AKAP6: variants seen among roughly 807,000 people sequenced by gnomAD.
AKAP6 encodes the protein A-kinase anchor protein 6.
In AKAP6, 58 loss-of-function variants were observed where a neutral mutation model predicts 188.5. The observed-to-expected ratio is 0.31, with a 90% CI of 0.25 to 0.38. AKAP6 has a LOEUF of 0.38. AKAP6 is among the 10% of genes least tolerant of loss of function. The pLI, the probability that AKAP6 is intolerant of heterozygous loss-of-function variation, is 1.00. For synonymous variants in AKAP6, 989 were observed against 998.6 expected, an observed-to-expected ratio of 0.99 and a Z score of 0.18; for missense variants, 2,710 against 2,740.0, an observed-to-expected ratio of 0.99 and a Z score of 0.24.
chr14:32,692,528 A>G (rs1890225986), intron 8 of AKAP6, among the ~76,000 whole-genome samples: 1 of 152,180 alleles, frequency 6.6e-6, no homozygotes, highest in South Asian at 2.1e-4. Context: ...AGTAAAAACA[A>G]AATCTCACGT....
At chr14:32,731,018 C>T (rs2031148300) in intron 9 of AKAP6, among the ~76,000 whole-genome samples, 1 of 152,108 alleles carries the variant, frequency 6.6e-6, no homozygotes, top group African/African-American at 2.4e-5. Context: ...TAAAGCAACC[C>T]TTGATTTTCT....
chr14:32,551,857 G>A (rs1374301584), intron 4 of AKAP6, among the ~76,000 whole-genome samples: 3 of 151,486 alleles, frequency 2.0e-5, no homozygotes, highest in Admixed American at 6.6e-5. Flanking sequence ...TAGTAGAGAT[G>A]GGGTTTCACC....
intron 7 of AKAP6, among the ~76,000 whole-genome samples, chr14:32,606,533 A>G (rs1369030900): frequency 6.6e-6 from 1 of 152,206 alleles, no homozygotes; most frequent in East Asian, 1.9e-4. Flanking sequence ...GCATGCAACA[A>G]CAGTTCCTTC....
At chr14:32,650,641 A>G (rs1351531036) in intron 7 of AKAP6, among the ~76,000 whole-genome samples, 2 of 152,200 alleles carry the variant, frequency 1.3e-5, no homozygotes, top group East Asian at 3.9e-4. Flanking sequence ...AATGCTAAAT[A>G]CCATTAATTT....
At chr14:32,671,852 A>G (rs1889211189) in intron 7 of AKAP6, among the ~76,000 whole-genome samples, 1 of 152,222 alleles carries the variant, frequency 6.6e-6, no homozygotes, top group Non-Finnish European at 1.5e-5. Context: ...AACCCAACAA[A>G]GAATTCTGGG....
At chr14:32,771,666 A>C (rs1444393711) in intron 11 of AKAP6, among the ~76,000 whole-genome samples, 1 of 152,208 alleles carries the variant, frequency 6.6e-6, no homozygotes, top group African/African-American at 2.4e-5. Context: ...CTAACTCTGC[A>C]CATACCTTTA....
At chr14:32,721,362 A>G (rs1263854681) in intron 9 of AKAP6, among the ~76,000 whole-genome samples, 1 of 152,216 alleles carries the variant, frequency 6.6e-6, no homozygotes, top group East Asian at 1.9e-4. Context: ...GAAAGTCTGT[A>G]TTGATGAAGG....
chr14:32,584,298 G>A (rs1349611675), intron 5 of AKAP6, among the ~76,000 whole-genome samples: 2 of 152,210 alleles, frequency 1.3e-5, no homozygotes, highest in Non-Finnish European at 2.9e-5. Context: ...AGCATATACA[G>A]CATAGAGATG....
intron 7 of AKAP6, among the ~76,000 whole-genome samples, chr14:32,650,011 T>G (rs1040182897): frequency 1.3e-5 from 2 of 152,228 alleles, no homozygotes; most frequent in Admixed American, 6.5e-5. Flanking sequence ...TTGTTCTTCC[T>G]TTCCCCAATA....
intron 11 of AKAP6, among the ~76,000 whole-genome samples, chr14:32,768,444 C>A (rs1207942026): frequency 6.6e-6 from 1 of 152,046 alleles, no homozygotes; most frequent in Non-Finnish European, 1.5e-5. Context: ...AATACTGGAT[C>A]CAAATGACCT....
rs115736886 is a variant in AKAP6, at chr14:32,346,937, G to A, written c.-35+17529G>A. Among the ~76,000 whole-genome samples the A allele has an allele frequency of 1.7e-3, 261 of 152,280 alleles. 1 individual carries two copies. Among genetic ancestry groups the A allele is most frequent in the African/African-American group, 5.5e-3 (229 of 41,562 alleles). On this transcript the variant is annotated intron_variant, in intron 1 of 13. Transcript: ENST00000280979. ...TCTTCTATAGGCTTGATACCAAGCT[G>A]TAATGAATTCAAGCCTTAGACCAAA...
chr14:32,741,819 G>GTTTTTTTTTTTTT (rs34015837), intron 11 of AKAP6, among the ~76,000 whole-genome samples: 2 of 70,708 alleles, frequency 2.8e-5, no homozygotes, highest in African/African-American at 1.1e-4. Flanking sequence ...TAGCCTGTAG[G>GTTTTTTTTTTTTT]TTTTTTTTTT....
In AKAP6 at chr14:32,358,070, A is replaced by C. The variant is rs183385478; in HGVS notation, c.-35+28662A>C. Reference sequence around the variant, plus strand: ...ACCACACTAGACCATTGTGTCCTACAGAATTGAAAGAGGGCATCAAAGAGC... The same window carrying C: ...ACCACACTAGACCATTGTGTCCTACCGAATTGAAAGAGGGCATCAAAGAGC... On this transcript the variant is annotated intron_variant, in intron 1 of 13. Transcript: ENST00000280979. Among the ~76,000 whole-genome samples the C allele has an allele frequency of 1.1e-3, 165 of 152,366 alleles. 1 individual carries two copies. The highest frequency in any genetic ancestry group is 3.9e-3 in the African/African-American group (162 of 41,584).
chr14:32,465,097 A>G (rs1878329792), intron 2 of AKAP6, among the ~76,000 whole-genome samples: 1 of 152,224 alleles, frequency 6.6e-6, no homozygotes, highest in Non-Finnish European at 1.5e-5. Flanking sequence ...ATAGGACACA[A>G]ACAAATGGAA....
chr14:32,616,464 G>A (rs905125911), intron 7 of AKAP6, among the ~76,000 whole-genome samples: 2 of 152,290 alleles, frequency 1.3e-5, no homozygotes, highest in South Asian at 2.1e-4. Flanking sequence ...AACATAGACG[G>A]ATCTGGAGGC....
At chr14:32,689,880 A>G (rs1483371902) in intron 8 of AKAP6, among the ~76,000 whole-genome samples, 1 of 152,044 alleles carries the variant, frequency 6.6e-6, no homozygotes, top group East Asian at 1.9e-4. Flanking sequence ...TTCCTAGGCA[A>G]ATAATGTGAA....
At chr14:32,400,504 T>G (rs1444654082) in intron 1 of AKAP6, among the ~76,000 whole-genome samples, 1 of 130,142 alleles carries the variant, frequency 7.7e-6, no homozygotes, top group African/African-American at 2.8e-5. Context: ...TTATATTTTA[T>G]GCAGCATTTC....
rs150244397 is a variant in AKAP6 at position 32,495,656 on chromosome 14, C to T, written c.325-39898C>T. 1.9e-3 allele frequency among the ~76,000 whole-genome samples: 285 copies of T among 152,252 alleles called. 2 individuals are homozygous for T. The East Asian group carries it at 0.03, about 16-fold the overall frequency. ...TTCACACAAAGTGCGACTTATCTGG[C>T]GCGTGGTAAAATGCATCTTTAAAAT... is the stretch of plus-strand genomic sequence containing the variant. On this transcript the variant is annotated intron_variant, in intron 2 of 13. Coordinates refer to ENST00000280979, the MANE Select transcript of AKAP6 (RefSeq NM_004274.5).
intron 1 of AKAP6, among the ~76,000 whole-genome samples, chr14:32,386,680 T>G (rs963896101): frequency 1.3e-5 from 2 of 152,186 alleles, no homozygotes; most frequent in African/African-American, 4.8e-5. Flanking sequence ...AATCCTTGCC[T>G]AAGCCAATGT....
Sources: gnomAD v4.1 joint callset for allele counts (sites outside exome capture counted in the v4.1 genomes callset) on GRCh38, gnomAD v4.1.1 for gene constraint, MANE v1.5 for transcripts, NCBI Gene and HGNC (gene_info 2026-07-23, HGNC 2026-07-21) for gene names.